The following GBF1 variants were observed in gnomAD, a reference collection of about 807,000 sequenced individuals.
GBF1 encodes golgi brefeldin A resistant guanine nucleotide exchange factor 1.
In GBF1, 114 loss-of-function variants were observed where a neutral mutation model predicts 210.5. That is an observed-to-expected ratio of 0.54 (90% CI 0.47 to 0.63). The LOEUF is 0.63. Ranked by LOEUF, GBF1 falls within the 30% of genes least tolerant of loss-of-function variation. The pLI, the probability that GBF1 is intolerant of heterozygous loss-of-function variation, is 0.00. For missense variants in GBF1, 1,851 were observed against 2,357.7 expected (o/e 0.79, Z 4.45); for synonymous variants, 850 against 889.2 (o/e 0.96, Z 0.78).
At chr10:102,232,231 T>C in the GBF1 span, 6 of 633,158 alleles carry the variant, frequency 9.5e-6, no homozygotes, top group South Asian at 1.1e-4. Context: ...TGGGGCTCCT[T>C]AGGATAGAAT....
At chr10:102,326,075 C>T (rs1002541114) in intron 3 of GBF1, among the ~76,000 whole-genome samples, 4 of 152,182 alleles carry the variant, frequency 2.6e-5, no homozygotes, top group Admixed American at 2.0e-4. Flanking sequence ...GGCCTCATAA[C>T]GGAGTAGTGG....
At chr10:102,353,405 A>G (rs558667451) in intron 7 of GBF1, among the ~76,000 whole-genome samples, 195 bp from the exon 8 acceptor site, 2 of 152,278 alleles carry the variant, frequency 1.3e-5, no homozygotes, top group Non-Finnish European at 1.5e-5. Flanking sequence ...CCTTTTGTCC[A>G]TGTCACACAT....
chr10:102,239,898 T>C, the GBF1 span, among the ~76,000 whole-genome samples: 1,864 of 152,292 alleles, frequency 0.012, 33 homozygotes, highest in African/African-American at 0.043. Flanking sequence ...AGGGCCAAGA[T>C]ATCCTTCCCA....
At chr10:102,277,481 G>T (rs2075094645) in intron 3 of GBF1, among the ~76,000 whole-genome samples, 1 of 148,710 alleles carries the variant, frequency 6.7e-6, no homozygotes, top group Admixed American at 6.8e-5. Flanking sequence ...GGGTTCAACC[G>T]ATTCTCCCTG....
At chr10:102,256,622 C>T (rs1255942700) in intron 1 of GBF1, among the ~76,000 whole-genome samples, 5 of 150,804 alleles carry the variant, frequency 3.3e-5, no homozygotes, top group African/African-American at 9.8e-5. Flanking sequence ...CAGGTTCCAG[C>T]GATTCTTCTG....
At chr10:102,244,960 G>A (rs1434698170), upstream of GBF1, among the ~76,000 whole-genome samples, 1 of 152,226 alleles carries the variant, frequency 6.6e-6, no homozygotes, top group African/African-American at 2.4e-5. Context: ...GGACGTGACA[G>A]ACATAACTGT....
Position 102,381,274 on chromosome 10 carries a change from G to A in GBF1, c.5302+19G>A. Reference sequence around the variant, plus strand: ...GCCTGTGGTGAGTCTCTCTAGCCTAGCCTGATAGGCACTGAGTAGCAAGCA... The same window carrying A: ...GCCTGTGGTGAGTCTCTCTAGCCTAACCTGATAGGCACTGAGTAGCAAGCA... On this transcript the variant is annotated intron_variant, in intron 39 of 39. Coordinates refer to ENST00000369983, the MANE Select transcript of GBF1 (RefSeq NM_001377137.1). The A allele has an allele frequency of 6.2e-7, 1 of 1,612,156 alleles. No individual in the cohort carries two copies. The highest frequency in any genetic ancestry group is 1.3e-5 in the African/African-American group (1 of 75,028).
intron 3 of GBF1, among the ~76,000 whole-genome samples, chr10:102,313,954 A>G (rs1031543681): frequency 2.0e-5 from 3 of 152,146 alleles, no homozygotes; most frequent in Admixed American, 6.6e-5. Context: ...TAGATGGCAG[A>G]AACTATTAAA....
rs765398344 is a variant in GBF1 at position 102,360,398 on chromosome 10, A to G, written c.1392+3A>G. The stretch of plus-strand genomic sequence containing the variant: ...AGATGTGCCGTCACTTATTCCAGGT[A>G]AGACAAGATTGCTAGAGGGTCTCAG... On this transcript the variant is annotated splice_donor_region_variant and intron_variant, in intron 12 of 39. Coordinates refer to ENST00000369983, the MANE Select transcript of GBF1 (RefSeq NM_001377137.1). 6.3e-7 allele frequency: 1 copy of G among 1,592,914 alleles called. No individual in the cohort carries two copies. Among genetic ancestry groups the G allele is most frequent in the South Asian group, 1.1e-5 (1 of 90,704 alleles).
At chr10:102,323,871 C>T (rs928708897) in intron 3 of GBF1, among the ~76,000 whole-genome samples, 1 of 152,074 alleles carries the variant, frequency 6.6e-6, no homozygotes, top group Non-Finnish European at 1.5e-5. Context: ...ATACAGAGTT[C>T]ACTTGAGCAT....
At chr10:102,357,823 C>G (rs956066393) in intron 8 of GBF1, among the ~76,000 whole-genome samples, 1 of 152,184 alleles carries the variant, frequency 6.6e-6, no homozygotes, top group Non-Finnish European at 1.5e-5. Flanking sequence ...AGAATGTCAC[C>G]TTCTACATGG....
At chr10:102,352,575 C>G in intron 7 of GBF1, 57 bp downstream of exon 7, 1 of 1,216,776 alleles carries the variant, frequency 8.2e-7, no homozygotes, top group African/African-American at 1.5e-5. Flanking sequence ...AGTCTGCCTG[C>G]TTCCACACAG....
Position 102,359,289 on chromosome 10 carries a change from A to G in GBF1, c.1034A>G (p.Lys345Arg). 6.2e-7 allele frequency: 1 copy of G among 1,612,670 alleles called. No individual in the cohort carries two copies. Among genetic ancestry groups the G allele is most frequent in the Non-Finnish European group, 8.5e-7 (1 of 1,178,698 alleles). ...DLQQEGTHVE[K>R]SQSASVESIP... The stretch of plus-strand genomic sequence containing the variant: ...TAGCAGGAAGGGACCCATGTGGAAA[A>G]GTCCCAGTCAGCATCTGTGGAGTCC... The change falls in exon 11 of 40, where the codon AAG (lysine) becomes AGG (arginine). Residue 345 changes from lysine (K) to arginine (R), a missense_variant. Physicochemically the swap from Lys to Arg is conservative, Grantham distance 26 (BLOSUM62 2). Around this residue, in one of 3 missense-constraint regions of GBF1, gnomAD observed 804 missense variants for 958.6 expected, o/e 0.84. Transcript: ENST00000369983.
At chr10:102,364,946 C>T (rs2059829329) in intron 17 of GBF1, among the ~76,000 whole-genome samples, 1 of 152,186 alleles carries the variant, frequency 6.6e-6, no homozygotes, top group Non-Finnish European at 1.5e-5. Flanking sequence ...CGTGACTGGA[C>T]ATACAGAAAT....
chr10:102,310,620 A>G (rs1012571420), intron 3 of GBF1, among the ~76,000 whole-genome samples: 1 of 152,148 alleles, frequency 6.6e-6, no homozygotes, highest in Non-Finnish European at 1.5e-5. Context: ...TAACTATGGG[A>G]GGTTGATCAG....
chr10:102,308,497 C>T (rs544096047), intron 3 of GBF1, among the ~76,000 whole-genome samples: 1 of 151,870 alleles, frequency 6.6e-6, no homozygotes, highest in African/African-American at 2.4e-5. Context: ...AGTGATAGAC[C>T]GGATTAAGAA....
In GBF1 at chr10:102,379,848, AC is replaced by A. The variant is rs2060730658; in HGVS notation, c.4777-3del. ...AGGGAGACATTGCACATTTACCCCCACCAGGTGCTGTTTCCTCTACTTACCA... is the reference window on the plus strand; with the variant it reads ...AGGGAGACATTGCACATTTACCCCCACAGGTGCTGTTTCCTCTACTTACCA... On this transcript the variant is annotated splice_polypyrimidine_tract_variant and splice_region_variant and intron_variant, in intron 35 of 39. Coordinates refer to ENST00000369983, the MANE Select transcript of GBF1 (RefSeq NM_001377137.1). The A allele has an allele frequency of 6.2e-7, 1 of 1,606,218 alleles. No individual in the cohort carries two copies. The highest frequency in any genetic ancestry group is 1.3e-5 in the African/African-American group (1 of 74,700).
At chr10:102,359,579 C>A (rs1304437783) in intron 11 of GBF1, 144 bp downstream of exon 11, 2 of 638,112 alleles carry the variant, frequency 3.1e-6, no homozygotes. Context: ...GAAATGGAGT[C>A]AAGCCATAGA....
At chr10:102,248,447 A>G (rs186413992) in intron 1 of GBF1, among the ~76,000 whole-genome samples, 125 of 152,268 alleles carry the variant, frequency 8.2e-4, no homozygotes, top group Middle Eastern at 3.4e-3. Context: ...AGTAGTGTAA[A>G]TGATCATGGA....
Sources: allele counts gnomAD v4.1 joint callset (sites outside exome capture counted in the v4.1 genomes callset), GRCh38; gene constraint gnomAD v4.1.1; regional missense constraint gnomAD v4.1.1; transcripts MANE v1.5; gene names NCBI Gene and HGNC (gene_info 2026-07-23, HGNC 2026-07-21).